The following LSS variants were observed in gnomAD, a reference collection of about 807,000 sequenced individuals.
LSS encodes the protein 2,3-epoxysqualene-lanosterol cyclase.
LSS carries 90 observed loss-of-function variants against 110.3 expected under a neutral mutation model. That is an observed-to-expected ratio of 0.82 (90% CI 0.69 to 0.97). The LOEUF is 0.97. Ranked by LOEUF, LSS falls within the 50% of genes least tolerant of loss-of-function variation. The pLI, the probability that LSS is intolerant of heterozygous loss-of-function variation, is 0.00. For synonymous variants in LSS, 433 were observed against 400.0 expected (o/e 1.08, Z -0.98); for missense variants, 927 against 990.0 (o/e 0.94, Z 0.85).
At chr21:46,211,590 T>C (rs929242227) in intron 11 of LSS, among the ~76,000 whole-genome samples, 5 of 152,180 alleles carry the variant, frequency 3.3e-5, no homozygotes, top group African/African-American at 1.2e-4. Flanking sequence ...AGCTGGGCAC[T>C]GACCAGACAG....
At chr21:46,221,118 G>A (rs1476798792) in intron 5 of LSS, among the ~76,000 whole-genome samples, 2 of 144,016 alleles carry the variant, frequency 1.4e-5, no homozygotes, top group Non-Finnish European at 3.0e-5. Context: ...TGGAGAGGTG[G>A]ACAGCCCGGG....
At chr21:46,213,127 C>G in intron 10 of LSS, 75 bp from the exon 11 acceptor site, 1 of 1,412,132 alleles carries the variant, frequency 7.1e-7, no homozygotes, top group Non-Finnish European at 9.9e-7. Flanking sequence ...ACCCTGCACT[C>G]AGGAGGGTCC....
rs760554552 is a variant in LSS at position 46,216,411 on chromosome 21, G to A, written c.761C>T (p.Pro254Leu). 8 of 1,613,866 alleles carry A rather than the reference G, an allele frequency of 5.0e-6. No homozygotes were observed. Among genetic ancestry groups the A allele is most frequent in the East Asian group, 2.2e-5 (1 of 44,876 alleles). ...YAVRLSAAED[P>L]LVQSLRQELY... ...TACCTGGCGGAGGCTCTGGACCAGC[G>A]GGTCTTCCGCGGCACTCAGCCGAAC... is the stretch of plus-strand genomic sequence containing the variant. Residue 254 changes from proline to leucine, a missense_variant, in exon 7 of 22, where the codon CCG (proline) becomes CTG (leucine). Pro to Leu is a moderately conservative substitution (Grantham distance 98). Coordinates refer to ENST00000397728, the MANE Select transcript of LSS (RefSeq NM_002340.6). This position sits in a 1 kb window ranked among gnomAD's most constrained non-coding sequence, Gnocchi z 4.2.
At chr21:46,192,840 C>A (rs1354545309) in intron 20 of LSS, 3 of 450,290 alleles carry the variant, frequency 6.7e-6, no homozygotes, top group Non-Finnish European at 1.3e-5. Context: ...CTGTGTGTGG[C>A]ACAGATGGGA....
intron 9 of LSS, among the ~76,000 whole-genome samples, chr21:46,214,120 A>G (rs1462447873): frequency 1.3e-5 from 2 of 152,240 alleles, no homozygotes; most frequent in African/African-American, 4.8e-5. Context: ...GAGGGGTTCC[A>G]GGAGAAACCA....
intron 21 of LSS, 67 bp from the exon 22 acceptor site, chr21:46,191,302 G>C (rs1056691125): frequency 1.3e-6 from 2 of 1,580,528 alleles, no homozygotes; most frequent in African/African-American, 2.7e-5. Context: ...CCCTGAACTG[G>C]AGCCCTGGCT....
chr21:46,192,067 A>G, intron 20 of LSS, 108 bp from the exon 21 acceptor site: 1 of 870,294 alleles, frequency 1.1e-6, no homozygotes, highest in Non-Finnish European at 1.9e-6. Flanking sequence ...CTGCAGTGAG[A>G]ATGGATGGGT....
At chr21:46,217,664 CAG>C (rs1376606934) in intron 6 of LSS, among the ~76,000 whole-genome samples, 1 of 152,216 alleles carries the variant, frequency 6.6e-6, no homozygotes, top group African/African-American at 2.4e-5. Flanking sequence ...CAAAGACAAG[CAG>C]CACCCTGGCG....
At chr21:46,198,407 A>G (rs554345945) in intron 17 of LSS, among the ~76,000 whole-genome samples, 1 of 152,362 alleles carries the variant, frequency 6.6e-6, no homozygotes, top group African/African-American at 2.4e-5. Flanking sequence ...TACAAGATCT[A>G]TATATGATGA....
intron 17 of LSS, among the ~76,000 whole-genome samples, chr21:46,197,725 T>C (rs2079927250): frequency 6.6e-6 from 1 of 151,948 alleles, no homozygotes; most frequent in Admixed American, 6.6e-5. Flanking sequence ...CCGTCTCTAC[T>C]AAAAATACAA....
At chr21:46,212,320 C>T (rs1311520275) in intron 11 of LSS, among the ~76,000 whole-genome samples, 1 of 152,230 alleles carries the variant, frequency 6.6e-6, no homozygotes, top group Non-Finnish European at 1.5e-5. Context: ...GGAGACTCCA[C>T]ATTTCCACAC....
At chr21:46,206,813 A>AT in intron 15 of LSS, 45 bp from the exon 16 acceptor site, 1 of 1,452,424 alleles carries the variant, frequency 6.9e-7, no homozygotes, top group Non-Finnish European at 9.6e-7. Flanking sequence ...TGTGCTGAGC[A>AT]CACACAGGCG....
rs574170888 is a variant in LSS at position 46,207,370 on chromosome 21, A to C, written c.1467+58T>G. The stretch of plus-strand genomic sequence containing the variant: ...GGAGCCCACAGGAGTGGAAGTGAGC[A>C]CGCAGCTCATCTGCAGGACACGAGG... On this transcript the variant is annotated intron_variant, in intron 15 of 21. Coordinates refer to ENST00000397728, the MANE Select transcript of LSS (RefSeq NM_002340.6). 185 of 1,586,554 alleles carry C rather than the reference A, an allele frequency of 1.2e-4. 1 individual carries two copies. The South Asian group carries it at 2.0e-3, about 17-fold the overall frequency.
chr21:46,191,006 G>A lies in LSS; in HGVS notation c.*98C>T. 7.0e-7 allele frequency: 1 copy of A among 1,426,718 alleles called. No homozygotes were observed. The highest frequency in any genetic ancestry group is 9.6e-7 in the Non-Finnish European group (1 of 1,037,172). 88.4% of individuals were successfully genotyped at this position (1,426,718 alleles called of 1,614,324 possible). A position where few individuals can be genotyped will look rare whatever the true frequency, so the allele number is the denominator to read the frequency against. On this transcript the variant is annotated 3_prime_UTR_variant, in exon 22 of 22. Transcript: ENST00000397728. ...TCTATGAGATAGAGGTTGAGGGGTT[G>A]GAGCCCAAGACAGGGTTATGGGAGG...
intron 11 of LSS, among the ~76,000 whole-genome samples, chr21:46,210,985 A>G (rs1270711795): frequency 1.3e-5 from 2 of 152,200 alleles, no homozygotes; most frequent in Non-Finnish European, 2.9e-5. Context: ...TTCATGGGCC[A>G]CCAGGCAGGA....
chr21:46,192,383 G>A (rs945278214), intron 20 of LSS: 13 of 421,322 alleles, frequency 3.1e-5, no homozygotes, highest in South Asian at 2.3e-4. Flanking sequence ...TGACTGTCCT[G>A]CCCTCAGGGG....
At position 46,189,074 on chromosome 21, in the gene LSS, C is replaced by T; in HGVS notation, c.*2030G>A. 1 of 267,422 alleles carries T rather than the reference C, an allele frequency of 3.7e-6. No homozygotes were observed. The highest frequency in any genetic ancestry group is 4.1e-5 in the South Asian group (1 of 24,346). The allele number at this position is 267,422 out of a possible 1,614,324, so 16.6% of individuals were successfully genotyped here. A position where few individuals can be genotyped will look rare whatever the true frequency, so the allele number is the denominator to read the frequency against. On this transcript the variant is annotated 3_prime_UTR_variant, in exon 22 of 22. Coordinates refer to ENST00000397728, the MANE Select transcript of LSS (RefSeq NM_002340.6). ...GCAGGTGACGTATGACAGCCAGAAA[C>T]CCCAAATCTGCAGTTCTCCCCAGGA...
At chr21:46,193,596 T>C (rs1432858465) in intron 20 of LSS, 4 of 427,516 alleles carry the variant, frequency 9.4e-6, no homozygotes, top group Non-Finnish European at 1.8e-5. Context: ...TGTACACAGG[T>C]GCCTGTGCAT....
intron 17 of LSS, among the ~76,000 whole-genome samples, chr21:46,202,884 TAAAC>T (rs2079997524): frequency 6.6e-6 from 1 of 151,994 alleles, no homozygotes. Flanking sequence ...TTCAAACAAA[TAAAC>T]AAAAAAAGAA....
Sources: gnomAD v4.1 joint callset for allele counts (sites outside exome capture counted in the v4.1 genomes callset) on GRCh38, gnomAD v4.1.1 for gene constraint, Gnocchi (gnomAD v3.1) non-coding constraint, MANE v1.5 for transcripts, NCBI Gene and HGNC (gene_info 2026-07-23, HGNC 2026-07-21) for gene names.